The following PTCHD4 variants were observed in gnomAD, a reference collection of about 807,000 sequenced individuals.
The protein encoded by PTCHD4 is patched domain-containing protein 4.
In PTCHD4, 33 loss-of-function variants were observed where a neutral mutation model predicts 58.1. The ratio of observed to expected loss-of-function variants is 0.57; its 90% CI spans 0.43 to 0.76. PTCHD4 has a LOEUF of 0.76. PTCHD4 is among the 30% of genes least tolerant of loss of function. PTCHD4 has a pLI of 0.00. For synonymous variants in PTCHD4, 478 were observed against 409.6 expected (o/e 1.17, Z -2.02); for missense variants, 1,058 against 1,027.1 (o/e 1.03, Z -0.41).
chr6:48,023,640 T>C (rs1306276740), intron 3 of PTCHD4, among the ~76,000 whole-genome samples: 1 of 152,220 alleles, frequency 6.6e-6, no homozygotes, highest in African/African-American at 2.4e-5. Flanking sequence ...AATTGCACTC[T>C]TCTTTTAGGT....
chr6:47,899,503 GA>G, intron 4 of PTCHD4: 1 of 778,724 alleles, frequency 1.3e-6, no homozygotes, highest in Non-Finnish European at 1.6e-6. Flanking sequence ...ATTAGGGACA[GA>G]AAATGAGTCT....
intron 4 of PTCHD4, among the ~76,000 whole-genome samples, chr6:47,992,015 A>C (rs903642060): frequency 2.6e-5 from 4 of 152,128 alleles, no homozygotes; most frequent in Non-Finnish European, 5.9e-5. Context: ...AAATTTCTCC[A>C]CTAAGAGATA....
chr6:48,050,515 G>A (rs1377066424), intron 3 of PTCHD4, among the ~76,000 whole-genome samples: 2 of 152,034 alleles, frequency 1.3e-5, no homozygotes, highest in Non-Finnish European at 2.9e-5. Flanking sequence ...TCCAATCTGA[G>A]TGGACTTTAA....
intron 4 of PTCHD4, among the ~76,000 whole-genome samples, chr6:47,902,496 G>A (rs1319034766): frequency 6.6e-6 from 1 of 152,178 alleles, no homozygotes; most frequent in Admixed American, 6.5e-5. Context: ...AAATGGGAAA[G>A]TTTGCGTGAA....
rs1763321058 is a variant in PTCHD4 at position 47,856,842 on chromosome 6, T to C, written c.*21461A>G. 6.6e-6 allele frequency among the ~76,000 whole-genome samples: 1 copy of C among 152,106 alleles called. No individual in the cohort carries two copies. The highest frequency in any genetic ancestry group is 1.5e-5 in the Non-Finnish European group (1 of 68,000). On this transcript the variant is annotated 3_prime_UTR_variant, in exon 5 of 5. Coordinates refer to ENST00000339488, the MANE Select transcript of PTCHD4 (RefSeq NM_001384253.1). ...TCATCAGATTAATTTTGTTTTCACA[T>C]GATTTTCTAATATAAAAAAGCATAT...
intron 3 of PTCHD4, among the ~76,000 whole-genome samples, chr6:48,031,153 T>A (rs1360920985): frequency 6.6e-6 from 1 of 152,090 alleles, no homozygotes; most frequent in African/African-American, 2.4e-5. Context: ...TACCCCTCCA[T>A]TTCCCACCCC....
intron 3 of PTCHD4, among the ~76,000 whole-genome samples, chr6:48,051,217 A>T (rs1376425740): frequency 6.6e-6 from 1 of 151,954 alleles, no homozygotes; most frequent in Non-Finnish European, 1.5e-5. Context: ...TAATGGGAAT[A>T]AAAATGCTGA....
chr6:47,907,159 AT>A (rs1240390957), intron 4 of PTCHD4, among the ~76,000 whole-genome samples: 1 of 152,184 alleles, frequency 6.6e-6, no homozygotes, highest in Non-Finnish European at 1.5e-5. Context: ...GGTTTTGGAA[AT>A]GACTGTACTC....
chr6:47,871,370 A>G lies in PTCHD4; in HGVS notation c.*6933T>C, dbSNP rs1200120379. ...CCCGAACAGATTTTTTCCTCCAAGA[A>G]AAGTGATAAGTGAAATGCACTTGGA... On this transcript the variant is annotated 3_prime_UTR_variant, in exon 5 of 5. Transcript: ENST00000339488. Among the ~76,000 whole-genome samples the G allele has an allele frequency of 6.6e-6, 1 of 151,628 alleles. No homozygotes were observed. Among genetic ancestry groups the G allele is most frequent in the Admixed American group, 6.6e-5 (1 of 15,170 alleles).
At chr6:47,940,913 G>A (rs1209886810) in intron 4 of PTCHD4, among the ~76,000 whole-genome samples, 1 of 152,136 alleles carries the variant, frequency 6.6e-6, no homozygotes, top group Admixed American at 6.5e-5. Context: ...ATCTCCCATA[G>A]CACCCATTCC....
chr6:47,889,977 G>T (rs748560266), intron 4 of PTCHD4, among the ~76,000 whole-genome samples: 1 of 151,978 alleles, frequency 6.6e-6, no homozygotes, highest in African/African-American at 2.4e-5. Flanking sequence ...CTAATATCCA[G>T]AATTTATTTT....
chr6:48,022,401 T>A (rs987057642), intron 3 of PTCHD4, among the ~76,000 whole-genome samples: 3 of 152,042 alleles, frequency 2.0e-5, no homozygotes, highest in Non-Finnish European at 2.9e-5. Flanking sequence ...TTATTTTTAA[T>A]CCCCAAAAGG....
intron 4 of PTCHD4, among the ~76,000 whole-genome samples, chr6:47,994,019 C>T (rs1768380058): frequency 6.6e-6 from 1 of 152,186 alleles, no homozygotes; most frequent in Admixed American, 6.5e-5. Flanking sequence ...GGAGCAGAGG[C>T]TGCCTCCCAG....
At chr6:48,037,150 T>A (rs1763668258) in intron 3 of PTCHD4, among the ~76,000 whole-genome samples, 1 of 152,146 alleles carries the variant, frequency 6.6e-6, no homozygotes, top group African/African-American at 2.4e-5. Flanking sequence ...TCTCACGTCA[T>A]GACTAGAGAG....
intron 4 of PTCHD4, among the ~76,000 whole-genome samples, chr6:47,991,853 G>A (rs572449634): frequency 6.7e-4 from 102 of 152,050 alleles, no homozygotes; most frequent in Admixed American, 1.3e-3. Context: ...GGAAAAATGA[G>A]TGATGAATTA....
At chr6:47,999,293 A>G (rs113999183) in intron 4 of PTCHD4, among the ~76,000 whole-genome samples, 2,650 of 152,304 alleles carry the variant, frequency 0.017, 38 homozygotes, top group South Asian at 0.047. Context: ...AAGCATAAGC[A>G]TGGGAATATT....
intron 4 of PTCHD4, among the ~76,000 whole-genome samples, chr6:48,006,785 C>A (rs1762453301): frequency 6.6e-6 from 1 of 152,176 alleles, no homozygotes; most frequent in Non-Finnish European, 1.5e-5. Context: ...GAATCCATTG[C>A]ACTTAAAACA....
chr6:48,056,247 T>G (rs1289414640), intron 3 of PTCHD4, among the ~76,000 whole-genome samples: 1 of 152,234 alleles, frequency 6.6e-6, no homozygotes, highest in Admixed American at 6.5e-5. Context: ...AAAAGCTTCA[T>G]AATTTTGAAG....
intron 4 of PTCHD4, among the ~76,000 whole-genome samples, chr6:47,885,375 C>G (rs940425405): frequency 6.6e-6 from 1 of 152,064 alleles, no homozygotes; most frequent in Non-Finnish European, 1.5e-5. Flanking sequence ...ATAAGGAAAA[C>G]CTACATGGCA....
Sources: gnomAD v4.1 joint callset for allele counts (sites outside exome capture counted in the v4.1 genomes callset) on GRCh38, gnomAD v4.1.1 for gene constraint, MANE v1.5 for transcripts, NCBI Gene and HGNC (gene_info 2026-07-23, HGNC 2026-07-21) for gene names.